Variants in TMED5 observed in about 807,000 individuals in gnomAD.
TMED5 encodes transmembrane p24 trafficking protein 5.
TMED5 carries 27 observed loss-of-function variants against 23.0 expected under a neutral mutation model. That is an observed-to-expected ratio of 1.17 (90% CI 0.86 to 1.62). The LOEUF (loss-of-function observed/expected upper bound fraction) is 1.62, where lower values mean the gene tolerates loss of function less well. Ranked by LOEUF, TMED5 falls within the 40% of genes most tolerant of loss-of-function variation. The probability of loss-of-function intolerance (pLI) is 0.00; values close to 1 mark genes in which losing one functional copy is unlikely to be tolerated. For synonymous variants in TMED5, 97 were observed against 100.8 expected (o/e 0.96, Z 0.23); for missense variants, 248 against 273.7 (o/e 0.91, Z 0.66).
In TMED5 at chr1:93,154,720, C is replaced by T. The variant is rs1187406117; in HGVS notation, c.640G>A (p.Val214Ile). The T allele has an allele frequency of 8.7e-6, 14 of 1,613,902 alleles. No individual in the cohort carries two copies. The highest frequency in any genetic ancestry group is 1.2e-5 in the Non-Finnish European group (14 of 1,180,020). Residue 214 changes from valine (V) to isoleucine (I), a missense_variant, in exon 4 of 4, where the codon GTT becomes ATT. By Grantham distance (29) the Val-to-Ile change is conservative (BLOSUM62 3). Transcript: ENST00000370282. Reference protein sequence around the residue: ...VVMVVVSAIQVYMLKSLFEDK... With the variant: ...VVMVVVSAIQIYMLKSLFEDK... ...TCAAACAGACTCTTCAGCATATAAA[C>T]TTGAATGGCTGACACCACCACCATG...
chr1:93,167,611 G>T (rs1439791489), intron 1 of TMED5, among the ~76,000 whole-genome samples: 1 of 152,064 alleles, frequency 6.6e-6, no homozygotes, highest in Non-Finnish European at 1.5e-5. Flanking sequence ...TTTATATCCT[G>T]CAACTTCACT....
At position 93,152,752 on chromosome 1, in the gene TMED5, A is replaced by ATTAG. The variant is rs1160436382; in HGVS notation, c.*1914_*1917dup. The ATTAG allele has an allele frequency of 6.6e-6, 1 of 152,536 alleles. No homozygotes were observed. Among genetic ancestry groups the ATTAG allele is most frequent in the Non-Finnish European group, 1.5e-5 (1 of 68,010 alleles). The allele number at this position is 152,536 out of a possible 1,614,324, so 9.4% of individuals were successfully genotyped here. A position where few individuals can be genotyped will look rare whatever the true frequency, so the allele number is the denominator to read the frequency against. On this transcript the variant is annotated 3_prime_UTR_variant, in exon 4 of 4. Transcript: ENST00000370282. ...GTAGTTTATATCTGTACCCTGCTTTATTAGTTATGGTACTGTAAATTTGCT... is the reference window on the plus strand; with the variant it reads ...GTAGTTTATATCTGTACCCTGCTTTATTAGTTAGTTATGGTACTGTAAATTTGCT...
Position 93,180,141 on chromosome 1 carries a change from G to A in TMED5, c.102C>T (p.Ser34=), listed in dbSNP as rs1649272608. Residue 34 remains serine, a synonymous_variant, in exon 1 of 4, where the codon AGC becomes AGT. Coordinates refer to ENST00000370282, the MANE Select transcript of TMED5 (RefSeq NM_016040.5). Reference sequence around the variant, plus strand: ...CGGCGGGAAGGGTAAAGGTGAAGTCGCTATCGAGGGAAGGTGTGAAGCCGG... The same window carrying A: ...CGGCGGGAAGGGTAAAGGTGAAGTCACTATCGAGGGAAGGTGTGAAGCCGG... ...GAAGFTPSLD[S]DFTFTLPAGQ... 6.2e-7 allele frequency: 1 copy of A among 1,613,524 alleles called. No individual in the cohort carries two copies. The highest frequency in any genetic ancestry group is 8.5e-7 in the Non-Finnish European group (1 of 1,179,794).
At position 93,160,016 on chromosome 1, in the gene TMED5, T is replaced by C. The variant is rs1041556296; in HGVS notation, c.287+113A>G. The stretch of plus-strand genomic sequence containing the variant: ...CACTATCATGAACTGTTTTAAATCA[T>C]ATGGAATTATCTAATATTGATATGT... On this transcript the variant is annotated intron_variant, in intron 2 of 3. Transcript: ENST00000370282. 4.9e-6 allele frequency: 3 copies of C among 606,816 alleles called. No homozygotes were observed. In the African/African-American group the frequency reaches 5.5e-5, roughly 11 times the overall value. The allele number at this position is 606,816 out of a possible 1,614,324, so 37.6% of individuals were successfully genotyped here.
rs1557570881 is a variant in TMED5 at position 93,154,726 on chromosome 1, T to C, written c.634A>G (p.Ile212Val). 2 of 1,614,100 alleles carry C rather than the reference T, an allele frequency of 1.2e-6. No homozygotes were observed. The highest frequency in any genetic ancestry group is 8.5e-7 in the Non-Finnish European group (1 of 1,180,016). Residue 212 changes from isoleucine (I) to valine (V), a missense_variant, in exon 4 of 4, where the codon ATT becomes GTT. Transcript: ENST00000370282. Reference protein sequence around the residue: ...NLVVMVVVSAIQVYMLKSLFE... With the variant: ...NLVVMVVVSAVQVYMLKSLFE... ...AGACTCTTCAGCATATAAACTTGAA[T>C]GGCTGACACCACCACCATGACCACT...
At chr1:93,157,326 C>A (rs1398530297) in intron 2 of TMED5, among the ~76,000 whole-genome samples, 1 of 152,030 alleles carries the variant, frequency 6.6e-6, no homozygotes, top group Non-Finnish European at 1.5e-5. Context: ...TTATTTAATT[C>A]TATAAAGGTA....
intron 1 of TMED5, chr1:93,163,321 G>A (rs904599660): frequency 4.6e-5 from 7 of 150,730 alleles, no homozygotes; most frequent in Non-Finnish European, 1.0e-4. Context: ...ACTATGGAAG[G>A]TTAATTAAAA....
rs1053680087 is a variant in TMED5, at chr1:93,153,293, T to C, written c.*1377A>G. The C allele has an allele frequency of 8.5e-5, 13 of 152,284 alleles. No homozygotes were observed. The highest frequency in any genetic ancestry group is 3.1e-4 in the African/African-American group (13 of 41,562). 9.4% of individuals were successfully genotyped at this position (152,284 alleles called of 1,614,324 possible). On this transcript the variant is annotated 3_prime_UTR_variant, in exon 4 of 4. Transcript: ENST00000370282. The stretch of plus-strand genomic sequence containing the variant: ...TATGGGTTATTCACATTTAGGTGTT[T>C]AAAACTTGGGAGTCTATGTTTCTAA...
At chr1:93,179,837 T>TAGTC (rs1649213021) in intron 1 of TMED5, 1 of 519,566 alleles carries the variant, frequency 1.9e-6, no homozygotes, top group East Asian at 3.6e-5. Context: ...AGAAGGCGGG[T>TAGTC]AGTCATCAAT....
intron 1 of TMED5, among the ~76,000 whole-genome samples, chr1:93,169,939 G>A (rs930494846): frequency 6.8e-6 from 1 of 147,860 alleles, no homozygotes; most frequent in African/African-American, 2.5e-5. Context: ...AGGCATGGTG[G>A]TGCATGCCTC....
chr1:93,163,787 G>A (rs1476643955), intron 1 of TMED5, among the ~76,000 whole-genome samples: 1 of 150,910 alleles, frequency 6.6e-6, no homozygotes, highest in African/African-American at 2.4e-5. Flanking sequence ...ACCAGCCTGG[G>A]CAAGATGGTG....
intron 1 of TMED5, chr1:93,162,032 G>T (rs545238700): frequency 6.7e-6 from 1 of 149,886 alleles, no homozygotes; most frequent in Non-Finnish European, 1.5e-5. Flanking sequence ...TTTCTCTTCT[G>T]TATTTATAGT....
At chr1:93,169,791 T>G (rs939445531) in intron 1 of TMED5, among the ~76,000 whole-genome samples, 1 of 151,992 alleles carries the variant, frequency 6.6e-6, no homozygotes, top group African/African-American at 2.4e-5. Context: ...CCAATGCCTG[T>G]AATCTCAGCA....
At chr1:93,180,030 G>C (rs202235726) in intron 1 of TMED5, 24 bp downstream of exon 1, 1 of 1,604,700 alleles carries the variant, frequency 6.2e-7, no homozygotes, top group African/African-American at 1.3e-5. Flanking sequence ...AAAGGAAGGA[G>C]GCTGGTTTAT....
chr1:93,175,804 A>C (rs934509324), intron 1 of TMED5, among the ~76,000 whole-genome samples: 1 of 152,184 alleles, frequency 6.6e-6, no homozygotes, highest in Non-Finnish European at 1.5e-5. Flanking sequence ...CACTCATTCA[A>C]TAGATACTTT....
chr1:93,179,195 C>T (rs1229731608), intron 1 of TMED5, among the ~76,000 whole-genome samples: 1 of 152,144 alleles, frequency 6.6e-6, no homozygotes, highest in East Asian at 1.9e-4. Context: ...AACCCCGTCT[C>T]TACTAAAAAT....
chr1:93,170,878 CA>C (rs925087497), intron 1 of TMED5, among the ~76,000 whole-genome samples: 1 of 152,166 alleles, frequency 6.6e-6, no homozygotes, highest in African/African-American at 2.4e-5. Flanking sequence ...AGCACCCTGT[CA>C]AAACAGACCA....
At chr1:93,164,614 CG>C (rs1648420891) in intron 1 of TMED5, among the ~76,000 whole-genome samples, 1 of 152,128 alleles carries the variant, frequency 6.6e-6, no homozygotes, top group Non-Finnish European at 1.5e-5. Context: ...TCACTACCCA[CG>C]TGTTCAGAGA....
chr1:93,168,240 A>G (rs184175936), intron 1 of TMED5, among the ~76,000 whole-genome samples: 223 of 152,332 alleles, frequency 1.5e-3, no homozygotes, highest in Non-Finnish European at 2.5e-3. Flanking sequence ...TAAAAAGAAG[A>G]ACAAGTACAA....
Sources: allele counts gnomAD v4.1 joint callset (sites outside exome capture counted in the v4.1 genomes callset), GRCh38; gene constraint gnomAD v4.1.1; transcripts MANE v1.5; gene names NCBI Gene and HGNC (gene_info 2026-07-23, HGNC 2026-07-21).